The following PTPRO variants were observed in gnomAD, a reference collection of about 807,000 sequenced individuals.
PTPRO encodes receptor-type tyrosine-protein phosphatase O.
PTPRO carries 62 observed loss-of-function variants against 145.2 expected under a neutral mutation model. That is an observed-to-expected ratio of 0.43 (90% CI 0.35 to 0.53). The LOEUF (loss-of-function observed/expected upper bound fraction) is 0.53, where lower values mean the gene tolerates loss of function less well. Ranked by LOEUF, PTPRO falls within the 20% of genes least tolerant of loss-of-function variation. PTPRO has a pLI of 0.01. For missense variants in PTPRO, 1,345 were observed against 1,482.7 expected, an observed-to-expected ratio of 0.91 and a Z score of 1.53; for synonymous variants, 565 against 514.7, an observed-to-expected ratio of 1.10 and a Z score of -1.32.
chr12:15,591,665 C>G (rs1944555945), intron 25 of PTPRO, among the ~76,000 whole-genome samples: 1 of 151,980 alleles, frequency 6.6e-6, no homozygotes, highest in African/African-American at 2.4e-5. Flanking sequence ...TACAGTATCC[C>G]CATCCTGGCC....
At chr12:15,413,583 G>A (rs975715285) in intron 1 of PTPRO, among the ~76,000 whole-genome samples, 1 of 152,190 alleles carries the variant, frequency 6.6e-6, no homozygotes, top group Non-Finnish European at 1.5e-5. Flanking sequence ...AGGTGGCCAA[G>A]GTAGGTGGAC....
At chr12:15,590,112 T>A (rs1944514705) in intron 25 of PTPRO, among the ~76,000 whole-genome samples, 1 of 152,194 alleles carries the variant, frequency 6.6e-6, no homozygotes, top group African/African-American at 2.4e-5. Flanking sequence ...GTTCCCTTCA[T>A]CTCAATGATG....
chr12:15,493,944 C>T (rs576367938), intron 2 of PTPRO, among the ~76,000 whole-genome samples: 115 of 152,152 alleles, frequency 7.6e-4, no homozygotes, highest in Non-Finnish European at 9.3e-4. Flanking sequence ...AATTTTTAGA[C>T]GTTCTTGTAT....
intron 1 of PTPRO, among the ~76,000 whole-genome samples, chr12:15,443,730 A>C (rs886482716): frequency 6.6e-6 from 1 of 152,112 alleles, no homozygotes; most frequent in South Asian, 2.1e-4. Context: ...AAGAAACATG[A>C]AAAGATGCTC....
intron 15 of PTPRO, among the ~76,000 whole-genome samples, chr12:15,554,899 A>G (rs372784475): frequency 1.2e-4 from 19 of 152,322 alleles, no homozygotes; most frequent in African/African-American, 4.6e-4. Context: ...AGCCACCTGG[A>G]CATAAAAGTC....
At position 15,516,923 on chromosome 12, in the gene PTPRO, A is replaced by G. The variant is rs140272836; in HGVS notation, c.1746A>G (p.Glu582=). ...CATCAGAGTGGACCACCTACTATGA[A>G]ATAGCAGCAACTGTTTCCTTAACTG... ...TMTSEWTTYY[E]IAATVSLTAS... Residue 582 remains glutamate (E), a synonymous_variant, in exon 9 of 27, where the codon GAA becomes GAG. Transcript: ENST00000281171. 1.2e-6 allele frequency: 2 copies of G among 1,613,918 alleles called. No homozygotes were observed. The highest frequency in any genetic ancestry group is 1.3e-5 in the African/African-American group (1 of 74,934).
intron 1 of PTPRO, among the ~76,000 whole-genome samples, chr12:15,466,083 T>C (rs753968069): frequency 6.6e-6 from 1 of 152,200 alleles, no homozygotes; most frequent in African/African-American, 2.4e-5. Context: ...GAGAACTGAG[T>C]CTCAGGCTAT....
intron 1 of PTPRO, among the ~76,000 whole-genome samples, chr12:15,397,493 G>A (rs1452573711): frequency 6.6e-6 from 1 of 152,114 alleles, no homozygotes; most frequent in Non-Finnish European, 1.5e-5. Flanking sequence ...TCTTGAATGG[G>A]CTTCAGTTAT....
At chr12:15,550,853 C>T (rs1943438206) in intron 14 of PTPRO, among the ~76,000 whole-genome samples, 1 of 152,150 alleles carries the variant, frequency 6.6e-6, no homozygotes. Context: ...ATATCCTGTT[C>T]TTCCGTGTAG....
intron 19 of PTPRO, among the ~76,000 whole-genome samples, chr12:15,575,497 AC>A (rs1302110473): frequency 6.6e-6 from 1 of 152,226 alleles, no homozygotes; most frequent in Non-Finnish European, 1.5e-5. Flanking sequence ...GAACTGTGAG[AC>A]ATAAATCTCT....
Position 15,551,576 on chromosome 12 carries a change from AGTGATCTCC to A in PTPRO, c.2467_2475del (p.Ile823_Val825del). 1 of 1,613,716 alleles carries A rather than the reference AGTGATCTCC, an allele frequency of 6.2e-7. No individual in the cohort carries two copies. The highest frequency in any genetic ancestry group is 8.5e-7 in the Non-Finnish European group (1 of 1,179,786). On this transcript the variant is annotated inframe_deletion, in exon 15 of 27. Transcript: ENST00000281171. ...TTACAGAGATGAATCCCAATGTGGT[AGTGATCTCC>A]GTGCTGGCCATCCTTAGCACACTTT...
chr12:15,448,770 A>G (rs983589680), intron 1 of PTPRO, among the ~76,000 whole-genome samples: 1 of 152,190 alleles, frequency 6.6e-6, no homozygotes, highest in Non-Finnish European at 1.5e-5. Flanking sequence ...CATAAAAACA[A>G]TCTAAGTTTC....
intron 12 of PTPRO, among the ~76,000 whole-genome samples, chr12:15,540,731 A>G (rs1943163682): frequency 6.6e-6 from 1 of 152,232 alleles, no homozygotes; most frequent in African/African-American, 2.4e-5. Flanking sequence ...TAAGAATCAG[A>G]CACTAGCTCA....
At chr12:15,482,240 C>T (rs1485244134) in intron 1 of PTPRO, among the ~76,000 whole-genome samples, 2 of 151,692 alleles carry the variant, frequency 1.3e-5, no homozygotes, top group African/African-American at 4.8e-5. Context: ...CATTTGCAAC[C>T]ACATAGATGA....
chr12:15,497,428 T>C (rs760970168), intron 3 of PTPRO, 25 bp downstream of exon 3: 2 of 1,608,456 alleles, frequency 1.2e-6, no homozygotes, highest in South Asian at 2.2e-5. Flanking sequence ...GAAAGCTGAA[T>C]CAATGATGAC....
chr12:15,415,520 G>T (rs1403546761), intron 1 of PTPRO, among the ~76,000 whole-genome samples: 2 of 151,870 alleles, frequency 1.3e-5, no homozygotes. Context: ...GAGTAGCTGG[G>T]ACTACAGGCA....
chr12:15,396,442 AC>A (rs1482039583), intron 1 of PTPRO, among the ~76,000 whole-genome samples: 1 of 151,088 alleles, frequency 6.6e-6, no homozygotes, highest in African/African-American at 2.4e-5. Flanking sequence ...TTACTAAATT[AC>A]AAAAAAAATT....
intron 1 of PTPRO, among the ~76,000 whole-genome samples, chr12:15,369,172 G>A (rs187277721): frequency 5.3e-5 from 8 of 152,206 alleles, no homozygotes; most frequent in Admixed American, 2.0e-4. Context: ...TAAAAAAAAC[G>A]TCCCCAGTGG....
At chr12:15,539,422 G>A (rs1005482673) in intron 12 of PTPRO, among the ~76,000 whole-genome samples, 2 of 152,106 alleles carry the variant, frequency 1.3e-5, no homozygotes, top group Non-Finnish European at 2.9e-5. Context: ...CCCATCTAGT[G>A]ATTCACAGAA....
Sources: allele counts gnomAD v4.1 joint callset (sites outside exome capture counted in the v4.1 genomes callset), GRCh38; gene constraint gnomAD v4.1.1; transcripts MANE v1.5; gene names NCBI Gene and HGNC (gene_info 2026-07-23, HGNC 2026-07-21).